FAM222B: variants seen among roughly 807,000 people sequenced by gnomAD.
FAM222B encodes the protein family with sequence similarity 222 member B.
FAM222B carries 12 observed loss-of-function variants against 38.0 expected under a neutral mutation model. The observed-to-expected ratio is 0.32, with a 90% CI of 0.20 to 0.51. The LOEUF is 0.51. FAM222B is among the 20% of genes least tolerant of loss of function. The pLI, the probability that FAM222B is intolerant of heterozygous loss-of-function variation, is 0.97. For synonymous variants in FAM222B, 329 were observed against 317.2 expected (o/e 1.04, Z -0.40); for missense variants, 716 against 754.2 (o/e 0.95, Z 0.59).
intron 1 of FAM222B, among the ~76,000 whole-genome samples, chr17:28,826,706 T>C (rs546709207): frequency 1.3e-5 from 2 of 149,918 alleles, no homozygotes; most frequent in Admixed American, 1.3e-4. Flanking sequence ...AAAAAAAATC[T>C]GTTTGTTGTC....
At chr17:28,780,952 A>C (rs2036142777) in intron 1 of FAM222B, among the ~76,000 whole-genome samples, 1 of 152,146 alleles carries the variant, frequency 6.6e-6, no homozygotes, top group African/African-American at 2.4e-5. Flanking sequence ...AATATTTGCA[A>C]ACCATACATC....
intron 1 of FAM222B, among the ~76,000 whole-genome samples, chr17:28,838,732 C>T (rs922547276): frequency 2.6e-5 from 4 of 151,438 alleles, no homozygotes; most frequent in Non-Finnish European, 4.4e-5. Context: ...CATGGTGAAA[C>T]GTCATCTCTA....
At chr17:28,822,299 A>G (rs1233062938) in intron 1 of FAM222B, among the ~76,000 whole-genome samples, 8 of 147,376 alleles carry the variant, frequency 5.4e-5, no homozygotes, top group African/African-American at 1.7e-4. Flanking sequence ...GATTACAGGC[A>G]TGAGCCACCA....
Position 28,759,943 on chromosome 17 carries a change from C to T in FAM222B, c.83-67G>A. On this transcript the variant is annotated intron_variant, in intron 2 of 2. Transcript: ENST00000581407. The surrounding 1 kb of genome is among the most constrained non-coding windows in gnomAD (Gnocchi z 4.8). ...AGCTCATCAGTGCCAAGGCAAACAG[C>T]CCTTCCAGATTCCCCTTTTGAGGGC... 7.1e-7 allele frequency: 1 copy of T among 1,417,702 alleles called. No homozygotes were observed. The highest frequency in any genetic ancestry group is 9.4e-7 in the Non-Finnish European group (1 of 1,067,912). 87.8% of individuals were successfully genotyped at this position (1,417,702 alleles called of 1,614,324 possible).
chr17:28,786,894 A>AT lies in FAM222B; in HGVS notation c.-40-20188dup, dbSNP rs34396988. 7.7e-3 allele frequency among the ~76,000 whole-genome samples: 557 copies of AT among 72,036 alleles called. 53 individuals are homozygous for AT. The highest frequency in any genetic ancestry group is 0.018 in the African/African-American group (322 of 17,838). The allele number at this position is 72,036 out of a possible 152,430, so 47.3% of individuals were successfully genotyped here. ...TAGCTAACACACTGCCCTTCACTGT[A>AT]TTTTTTTTTTTTTTTTTTTTTTTTT... On this transcript the variant is annotated intron_variant, in intron 1 of 2. Coordinates refer to ENST00000581407, the MANE Select transcript of FAM222B (RefSeq NM_001077498.3).
intron 1 of FAM222B, among the ~76,000 whole-genome samples, chr17:28,808,170 A>T (rs917474570): frequency 6.6e-6 from 1 of 152,230 alleles, no homozygotes; most frequent in African/African-American, 2.4e-5. Context: ...GCCTGTTTCC[A>T]AAATGAATGC....
At position 28,759,878 on chromosome 17, in the gene FAM222B, TAG is replaced by T. The variant is rs1898986830; in HGVS notation, c.83-4_83-3del. The stretch of plus-strand genomic sequence containing the variant: ...TTCTCATTTTCTGTGTAGTGTCCCC[TAG>T]AGAGAGAGAATGGGAAGGAGAGCAA... On this transcript the variant is annotated splice_region_variant and splice_polypyrimidine_tract_variant and intron_variant, in intron 2 of 2. Coordinates refer to ENST00000581407, the MANE Select transcript of FAM222B (RefSeq NM_001077498.3). This position sits in a 1 kb window ranked among gnomAD's most constrained non-coding sequence, Gnocchi z 4.8. The T allele has an allele frequency of 4.0e-6, 6 of 1,518,244 alleles. No individual in the cohort carries two copies. The highest frequency in any genetic ancestry group is 5.3e-6 in the Non-Finnish European group (6 of 1,128,110). 94.0% of individuals were successfully genotyped at this position (1,518,244 alleles called of 1,614,324 possible).
chr17:28,772,450 C>A (rs189520110), intron 1 of FAM222B, among the ~76,000 whole-genome samples: 1 of 151,576 alleles, frequency 6.6e-6, no homozygotes, highest in Non-Finnish European at 1.5e-5. Context: ...AGAGGCCGGT[C>A]GCGGTGGCTC....
At chr17:28,839,095 T>C (rs915370057) in intron 1 of FAM222B, among the ~76,000 whole-genome samples, 6 of 151,782 alleles carry the variant, frequency 4.0e-5, no homozygotes, top group Non-Finnish European at 7.4e-5. Flanking sequence ...TAGTTCCAGC[T>C]ACTAGGGAGG....
In FAM222B at chr17:28,757,359, T is replaced by C. The variant is rs2034752477; in HGVS notation, c.*911A>G. 6.6e-6 allele frequency: 1 copy of C among 151,518 alleles called. No individual in the cohort carries two copies. The highest frequency in any genetic ancestry group is 6.6e-5 in the Admixed American group (1 of 15,092). The allele number at this position is 151,518 out of a possible 1,614,324, so 9.4% of individuals were successfully genotyped here. On this transcript the variant is annotated 3_prime_UTR_variant, in exon 3 of 3. Coordinates refer to ENST00000581407, the MANE Select transcript of FAM222B (RefSeq NM_001077498.3). ...TGTAGAGCAATATTCTTAGCCAGTG[T>C]AGAGAGAACCAAATGCATTTTTTTT...
rs1484254652 is a variant in FAM222B, at chr17:28,841,847, A to G, written c.-41+835T>C. Among the ~76,000 whole-genome samples the G allele has an allele frequency of 6.6e-5, 10 of 152,316 alleles. No individual in the cohort carries two copies. In the East Asian group the frequency reaches 1.9e-3, roughly 29 times the overall value. On this transcript the variant is annotated intron_variant, in intron 1 of 2. Transcript: ENST00000581407. The stretch of plus-strand genomic sequence containing the variant: ...TTTTTCCTACAGAAGTCTGATGGCT[A>G]ATTTATCACATTACAGAACTGGTAG...
chr17:28,767,741 G>A (rs978942453), intron 1 of FAM222B, among the ~76,000 whole-genome samples: 8 of 152,148 alleles, frequency 5.3e-5, no homozygotes, highest in Non-Finnish European at 1.2e-4. Flanking sequence ...TTCCCAAAGT[G>A]CTGTGATTAC....
At chr17:28,810,613 TG>T (rs2037715740) in intron 1 of FAM222B, among the ~76,000 whole-genome samples, 2 of 152,210 alleles carry the variant, frequency 1.3e-5, no homozygotes, top group African/African-American at 2.4e-5. Flanking sequence ...AGTCAACATC[TG>T]GGGGATCCCC....
chr17:28,783,677 T>A (rs1648983585), intron 1 of FAM222B, among the ~76,000 whole-genome samples: 1 of 152,184 alleles, frequency 6.6e-6, no homozygotes, highest in Non-Finnish European at 1.5e-5. Context: ...ATCCAGCTAA[T>A]TTTTTGTATC....
chr17:28,766,576 G>A lies in FAM222B; in HGVS notation c.82+10C>T. The A allele has an allele frequency of 6.3e-7, 1 of 1,586,122 alleles. No homozygotes were observed. Among genetic ancestry groups the A allele is most frequent in the Non-Finnish European group, 8.6e-7 (1 of 1,165,270 alleles). ...AATCACACATGCTCCATAGGATCCA[G>A]ATTACTTACATTTCTGAAGTCCAGT... On this transcript the variant is annotated intron_variant, in intron 2 of 2. Coordinates refer to ENST00000581407, the MANE Select transcript of FAM222B (RefSeq NM_001077498.3).
In FAM222B at chr17:28,756,583, C is replaced by A. The variant is rs913847027; in HGVS notation, c.*1687G>T. On this transcript the variant is annotated 3_prime_UTR_variant, in exon 3 of 3. Coordinates refer to ENST00000581407, the MANE Select transcript of FAM222B (RefSeq NM_001077498.3). ...TGGGTGAGATGGCGGCCAACACCTTCGGAGAAGGCATTGAGTCAGAAGCTA... is the reference window on the plus strand; with the variant it reads ...TGGGTGAGATGGCGGCCAACACCTTAGGAGAAGGCATTGAGTCAGAAGCTA... 1 of 152,576 alleles carries A rather than the reference C, an allele frequency of 6.6e-6. No homozygotes were observed. Among genetic ancestry groups the A allele is most frequent in the Non-Finnish European group, 1.5e-5 (1 of 68,122 alleles). The allele number at this position is 152,576 out of a possible 1,614,324, so 9.5% of individuals were successfully genotyped here.
At chr17:28,854,376 C>T (rs1157905808) in intron 1 of FAM222B, among the ~76,000 whole-genome samples, 3 of 152,208 alleles carry the variant, frequency 2.0e-5, no homozygotes, top group African/African-American at 7.2e-5. Flanking sequence ...CCACTTCTTC[C>T]TCCTTTGCAA....
intron 1 of FAM222B, among the ~76,000 whole-genome samples, chr17:28,834,132 C>T (rs1046540400): frequency 6.6e-6 from 1 of 152,120 alleles, no homozygotes; most frequent in Non-Finnish European, 1.5e-5. Flanking sequence ...TCTACAATTC[C>T]ACCATGACTA....
rs60664262 is a variant in FAM222B, at chr17:28,790,884, CTTTTTT to C, written c.-40-24183_-40-24178del. Reference sequence around the variant, plus strand: ...GTTCTATATATTTCAAATTGTTTCACTTTTTTTTTTTTTTTTTTTTTTTTTTTTTTT... The same window carrying C: ...GTTCTATATATTTCAAATTGTTTCACTTTTTTTTTTTTTTTTTTTTTTTTT... On this transcript the variant is annotated intron_variant, in intron 1 of 2. Coordinates refer to ENST00000581407, the MANE Select transcript of FAM222B (RefSeq NM_001077498.3). Among the ~76,000 whole-genome samples the C allele has an allele frequency of 9.2e-3, 788 of 86,072 alleles. 104 individuals carry two copies. In the East Asian group the frequency reaches 0.1, roughly 11 times the overall value. The allele number at this position is 86,072 out of a possible 152,430, so 56.5% of individuals were successfully genotyped here. A position where few individuals can be genotyped will look rare whatever the true frequency, so the allele number is the denominator to read the frequency against.
Sources: allele counts gnomAD v4.1 joint callset (sites outside exome capture counted in the v4.1 genomes callset), GRCh38; gene constraint gnomAD v4.1.1; non-coding constraint Gnocchi (gnomAD v3.1); transcripts MANE v1.5; gene names NCBI Gene and HGNC (gene_info 2026-07-23, HGNC 2026-07-21).